Variants in PPFIA2 observed in about 807,000 individuals in gnomAD.
The protein encoded by PPFIA2 is PPFI scaffold protein A2.
In PPFIA2, 46 loss-of-function variants were observed where a neutral mutation model predicts 175.5. That is an observed-to-expected ratio of 0.26 (90% CI 0.21 to 0.34). PPFIA2 has a LOEUF of 0.34. PPFIA2 is among the 10% of genes least tolerant of loss of function. PPFIA2 has a pLI of 1.00. For missense variants in PPFIA2, 1,179 were observed against 1,506.1 expected, an observed-to-expected ratio of 0.78 and a Z score of 3.60; for synonymous variants, 568 against 511.4, an observed-to-expected ratio of 1.11 and a Z score of -1.49.
chr12:81,695,084 A>T (rs1030815056), intron 3 of PPFIA2, among the ~76,000 whole-genome samples: 4 of 152,090 alleles, frequency 2.6e-5, no homozygotes, highest in African/African-American at 9.7e-5. Context: ...TCAGGCTCAT[A>T]GGTGGAAGGG....
intron 7 of PPFIA2, among the ~76,000 whole-genome samples, chr12:81,437,260 G>T (rs1426687080): frequency 6.6e-6 from 1 of 152,176 alleles, no homozygotes; most frequent in Middle Eastern, 3.4e-3. Context: ...GACAGAGTCT[G>T]GCTGTGTTGC....
At chr12:81,618,455 CT>C (rs1336520742) in intron 4 of PPFIA2, among the ~76,000 whole-genome samples, 1 of 150,808 alleles carries the variant, frequency 6.6e-6, no homozygotes, top group African/African-American at 2.4e-5. Context: ...CTGAAATTTA[CT>C]CATTAATGTA....
intron 4 of PPFIA2, among the ~76,000 whole-genome samples, chr12:81,662,824 T>C (rs2069202553): frequency 6.6e-6 from 1 of 152,096 alleles, no homozygotes; most frequent in Non-Finnish European, 1.5e-5. Flanking sequence ...GCCAACTGAA[T>C]CCAGCAACAT....
chr12:81,722,425 T>C (rs1382201334), intron 3 of PPFIA2, among the ~76,000 whole-genome samples: 1 of 151,146 alleles, frequency 6.6e-6, no homozygotes, highest in Non-Finnish European at 1.5e-5. Context: ...TAGTATCTTA[T>C]CCCCAAATCT....
chr12:81,421,739 A>C (rs2046277685), intron 7 of PPFIA2, among the ~76,000 whole-genome samples: 1 of 152,028 alleles, frequency 6.6e-6, no homozygotes, highest in Non-Finnish European at 1.5e-5. Flanking sequence ...CAAAAGGCAT[A>C]GCATGGCTGA....
intron 4 of PPFIA2, among the ~76,000 whole-genome samples, chr12:81,591,852 G>GA (rs1282326741): frequency 6.6e-6 from 1 of 152,022 alleles, no homozygotes; most frequent in African/African-American, 2.4e-5. Flanking sequence ...TGGCAGTGCA[G>GA]AAAAAAATGT....
chr12:81,578,430 C>A (rs2073926116), intron 4 of PPFIA2, among the ~76,000 whole-genome samples: 1 of 151,644 alleles, frequency 6.6e-6, no homozygotes, highest in African/African-American at 2.4e-5. Flanking sequence ...AAAAAATTAT[C>A]CCAACTAACC....
intron 24 of PPFIA2, among the ~76,000 whole-genome samples, chr12:81,294,421 G>A (rs1167455983): frequency 1.4e-5 from 2 of 145,136 alleles, no homozygotes; most frequent in African/African-American, 5.2e-5. Context: ...AAGAAGGGAA[G>A]GAAGGAAGGA....
chr12:81,681,296 GT>G (rs2073584439), intron 3 of PPFIA2, among the ~76,000 whole-genome samples: 1 of 152,048 alleles, frequency 6.6e-6, no homozygotes, highest in Non-Finnish European at 1.5e-5. Context: ...TCTCCAAGGT[GT>G]GAAAAACCTA....
At chr12:81,506,663 T>C (rs2061203080) in intron 4 of PPFIA2, among the ~76,000 whole-genome samples, 1 of 152,238 alleles carries the variant, frequency 6.6e-6, no homozygotes, top group Non-Finnish European at 1.5e-5. Flanking sequence ...CAGAATATTC[T>C]AGGTATTATG....
At chr12:81,442,940 TCCCTATGAGAAA>T (rs1321028947) in intron 6 of PPFIA2, among the ~76,000 whole-genome samples, 1 of 129,968 alleles carries the variant, frequency 7.7e-6, no homozygotes, top group Non-Finnish European at 1.6e-5. Flanking sequence ...TCCCTCCTCA[TCCCTATGAGAAA>T]CTGTGAGTTA....
intron 24 of PPFIA2, among the ~76,000 whole-genome samples, chr12:81,286,288 G>T (rs2043357406): frequency 2.6e-5 from 4 of 151,928 alleles, no homozygotes; most frequent in Admixed American, 2.6e-4. Flanking sequence ...AAATAAAAAG[G>T]TTTTTTTATG....
rs141596243 is a variant in PPFIA2 at position 81,518,146 on chromosome 12, C to T, written c.304-60280G>A. Among the ~76,000 whole-genome samples the T allele has an allele frequency of 8.7e-4, 132 of 152,256 alleles. No individual in the cohort carries two copies. In the Middle Eastern group the frequency reaches 0.02, roughly 24 times the overall value. On this transcript the variant is annotated intron_variant, in intron 4 of 32. Transcript: ENST00000549396. ...ACAAAAAATGCCCCAGATTTACTTC[C>T]TTAAAGATTTTAACACCTGGATCAT...
At chr12:81,365,575 A>G (rs2032938833) in intron 14 of PPFIA2, among the ~76,000 whole-genome samples, 1 of 151,726 alleles carries the variant, frequency 6.6e-6, no homozygotes, top group South Asian at 2.1e-4. Context: ...CTCAAAAACT[A>G]CTTCTTTAAA....
intron 4 of PPFIA2, among the ~76,000 whole-genome samples, chr12:81,636,650 G>T (rs1351473756): frequency 6.6e-6 from 1 of 151,622 alleles, no homozygotes. Flanking sequence ...TGAAATTTTG[G>T]TTTGTTTTGT....
chr12:81,546,664 G>C (rs931424422), intron 4 of PPFIA2, among the ~76,000 whole-genome samples: 1 of 151,558 alleles, frequency 6.6e-6, no homozygotes, highest in African/African-American at 2.4e-5. Context: ...CACTATGCTT[G>C]GTCATGCCTG....
chr12:81,543,079 C>A (rs979188036), intron 4 of PPFIA2, among the ~76,000 whole-genome samples: 6 of 152,116 alleles, frequency 3.9e-5, no homozygotes, highest in African/African-American at 1.4e-4. Context: ...AATGAATCTT[C>A]CTTTTACTGC....
At chr12:81,621,979 C>A (rs776040324) in intron 4 of PPFIA2, among the ~76,000 whole-genome samples, 1 of 152,088 alleles carries the variant, frequency 6.6e-6, no homozygotes, top group Non-Finnish European at 1.5e-5. Context: ...AATAGCTGAG[C>A]CCTGTAACAT....
chr12:81,468,786 T>C (rs932099946), intron 4 of PPFIA2, among the ~76,000 whole-genome samples: 1 of 152,096 alleles, frequency 6.6e-6, no homozygotes, highest in African/African-American at 2.4e-5. Flanking sequence ...TTTCCTGCCT[T>C]GAAGAATTTA....
Sources: gnomAD v4.1 joint callset for allele counts (sites outside exome capture counted in the v4.1 genomes callset) on GRCh38, gnomAD v4.1.1 for gene constraint, MANE v1.5 for transcripts, NCBI Gene and HGNC (gene_info 2026-07-23, HGNC 2026-07-21) for gene names.